DYNC1I2: variants seen among roughly 807,000 people sequenced by gnomAD.
DYNC1I2 encodes the protein cytoplasmic dynein 1 intermediate chain 2.
DYNC1I2 carries 53 observed loss-of-function variants against 88.6 expected under a neutral mutation model. The observed-to-expected ratio is 0.60, with a 90% CI of 0.48 to 0.75. The LOEUF (loss-of-function observed/expected upper bound fraction) is 0.75. Ranked by LOEUF, DYNC1I2 falls within the 30% of genes least tolerant of loss-of-function variation. DYNC1I2 has a pLI of 0.00. For missense variants in DYNC1I2, 458 were observed against 766.6 expected (o/e 0.60, Z 4.75); for synonymous variants, 198 against 254.6 (o/e 0.78, Z 2.12).
intron 16 of DYNC1I2, 46 bp downstream of exon 16, chr2:171,744,235 GATATTTATTGA>G: frequency 6.5e-7 from 1 of 1,540,276 alleles, no homozygotes; most frequent in Non-Finnish European, 8.7e-7. Context: ...TAGAAAATTG[GATATTTATTGA>G]ATAATTTGTG....
intron 5 of DYNC1I2, among the ~76,000 whole-genome samples, chr2:171,708,325 C>T (rs975546536): frequency 6.6e-6 from 1 of 151,680 alleles, no homozygotes; most frequent in Non-Finnish European, 1.5e-5. Context: ...ATCTAAAAGA[C>T]AGGGCAAGAA....
intron 15 of DYNC1I2, among the ~76,000 whole-genome samples, chr2:171,735,590 C>T (rs962668071): frequency 2.0e-5 from 3 of 152,116 alleles, no homozygotes; most frequent in Admixed American, 6.5e-5. Context: ...GATTATTTTC[C>T]GTGTATGGAA....
chr2:171,731,336 C>T (rs1418294590), intron 15 of DYNC1I2, among the ~76,000 whole-genome samples: 1 of 152,170 alleles, frequency 6.6e-6, no homozygotes, highest in African/African-American at 2.4e-5. Flanking sequence ...TCTTTGAGCG[C>T]AGGCATGACA....
intron 7 of DYNC1I2, among the ~76,000 whole-genome samples, chr2:171,716,856 A>C (rs762472188): frequency 6.6e-6 from 1 of 151,948 alleles, no homozygotes; most frequent in African/African-American, 2.4e-5. Context: ...CAGTGAGCCA[A>C]AATTGCGCCA....
intron 6 of DYNC1I2, among the ~76,000 whole-genome samples, chr2:171,714,779 G>C (rs942372443): frequency 6.6e-6 from 1 of 152,106 alleles, no homozygotes; most frequent in African/African-American, 2.4e-5. Context: ...AGAGATTAGA[G>C]ATTTAAAAGT....
intron 15 of DYNC1I2, among the ~76,000 whole-genome samples, chr2:171,733,187 G>C (rs1297686026): frequency 6.6e-6 from 1 of 152,126 alleles, no homozygotes; most frequent in African/African-American, 2.4e-5. Flanking sequence ...TCCTTCTTAT[G>C]GCTTCGTAGT....
chr2:171,739,692 A>ATCTCTC (rs139994695), intron 15 of DYNC1I2, among the ~76,000 whole-genome samples: 24 of 127,492 alleles, frequency 1.9e-4, no homozygotes, highest in African/African-American at 7.6e-4. Context: ...CGATTGACAT[A>ATCTCTC]TCTCTTTTTT....
chr2:171,747,006 C>T (rs2105794802), intron 17 of DYNC1I2, among the ~76,000 whole-genome samples: 1 of 151,722 alleles, frequency 6.6e-6, no homozygotes, highest in South Asian at 2.1e-4. Flanking sequence ...CCAGCCTGGC[C>T]AACATGGCAA....
Position 171,726,885 on chromosome 2 carries a change from A to T in DYNC1I2, c.965A>T (p.Lys322Ile). 1 of 1,611,694 alleles carries T rather than the reference A, an allele frequency of 6.2e-7. No homozygotes were observed. Among genetic ancestry groups the T allele is most frequent in the Non-Finnish European group, 8.5e-7 (1 of 1,178,726 alleles). The change falls in exon 11 of 18, where the codon AAA becomes ATA. Residue 322 changes from lysine to isoleucine, a missense_variant. Lys to Ile is a moderately radical substitution (Grantham distance 102, BLOSUM62 -3). Around this residue, in one of 5 missense-constraint regions of DYNC1I2, gnomAD observed 203 missense variants for 354.2 expected, o/e 0.57. Transcript: ENST00000397119. ...VALVWNMKYK[K>I]TTPEYVFHCQ... The stretch of plus-strand genomic sequence containing the variant: ...CTTGTATGGAATATGAAATACAAAA[A>T]AACTACCCCAGAGTATGTGTTTCAC...
chr2:171,697,700 AAAAC>A (rs1432278249), intron 3 of DYNC1I2, among the ~76,000 whole-genome samples: 1 of 151,904 alleles, frequency 6.6e-6, no homozygotes, highest in Non-Finnish European at 1.5e-5. Context: ...AAAAAAAAGA[AAAAC>A]AAAATTAGCC....
chr2:171,713,089 A>G lies in DYNC1I2; in HGVS notation c.395+263A>G, dbSNP rs531905907. Among the ~76,000 whole-genome samples the G allele has an allele frequency of 6.2e-4, 94 of 152,250 alleles. No homozygotes were observed. The South Asian group carries it at 0.016, about 26-fold the overall frequency. ...TAATACAAGTTTTGTAGGATGTATT[A>G]AAAAACTTCTCAGACTTCTTCTAAT... is the stretch of plus-strand genomic sequence containing the variant. On this transcript the variant is annotated intron_variant, in intron 6 of 17. Transcript: ENST00000397119.
chr2:171,724,968 A>G lies in DYNC1I2; in HGVS notation c.512-650A>G, dbSNP rs1688139959. Among the ~76,000 whole-genome samples, 3 of 152,226 alleles carry G rather than the reference A, an allele frequency of 2.0e-5. No homozygotes were observed. The South Asian group carries it at 6.2e-4, about 32-fold the overall frequency. ...ATTCAAATTAAGAAAACATTATTTTAAGTGCTTATTGCCACATCATGTAAC... is the reference window on the plus strand; with the variant it reads ...ATTCAAATTAAGAAAACATTATTTTGAGTGCTTATTGCCACATCATGTAAC... On this transcript the variant is annotated intron_variant, in intron 7 of 17. Coordinates refer to ENST00000397119, the MANE Select transcript of DYNC1I2 (RefSeq NM_001378.3).
At chr2:171,733,482 T>G (rs1189350507) in intron 15 of DYNC1I2, among the ~76,000 whole-genome samples, 13 of 145,006 alleles carry the variant, frequency 9.0e-5, no homozygotes, top group Middle Eastern at 3.5e-3. Context: ...TTTTTTTTTT[T>G]TTTTTTTGCT....
chr2:171,693,930 A>G (rs11675891), intron 3 of DYNC1I2, among the ~76,000 whole-genome samples: 34,573 of 151,322 alleles, frequency 0.23, 5,027 homozygotes, highest in Middle Eastern at 0.34. Context: ...TGTTTGAGTT[A>G]CCTTTTTTTT....
intron 15 of DYNC1I2, among the ~76,000 whole-genome samples, chr2:171,735,355 A>T (rs1688933222): frequency 6.6e-6 from 1 of 152,204 alleles, no homozygotes; most frequent in South Asian, 2.1e-4. Context: ...GAGCACCCTA[A>T]TCTGAAAATT....
chr2:171,735,530 G>C (rs143212804), intron 15 of DYNC1I2, among the ~76,000 whole-genome samples: 1 of 152,302 alleles, frequency 6.6e-6, no homozygotes, highest in African/African-American at 2.4e-5. Context: ...AACACTTCTG[G>C]TTCCAAGCAT....
At chr2:171,688,286 A>G (rs1685121210) in intron 1 of DYNC1I2, 1 of 152,170 alleles carries the variant, frequency 6.6e-6, no homozygotes, top group South Asian at 2.1e-4. Context: ...TCTAGCACAA[A>G]ACTCTAGAGA....
intron 5 of DYNC1I2, among the ~76,000 whole-genome samples, chr2:171,709,068 C>A (rs1472626699): frequency 6.6e-6 from 1 of 151,910 alleles, no homozygotes; most frequent in African/African-American, 2.4e-5. Flanking sequence ...TACAACATTA[C>A]CATAGTAAAA....
chr2:171,743,979 C>T (rs1355905525), intron 15 of DYNC1I2, 70 bp from the exon 16 acceptor site: 3 of 1,319,196 alleles, frequency 2.3e-6, no homozygotes, highest in Non-Finnish European at 3.0e-6. Flanking sequence ...ATTTTTTTCC[C>T]AGTGATAAGT....
Sources: allele counts gnomAD v4.1 joint callset (sites outside exome capture counted in the v4.1 genomes callset), GRCh38; gene constraint gnomAD v4.1.1; regional missense constraint gnomAD v4.1.1; transcripts MANE v1.5; gene names NCBI Gene and HGNC (gene_info 2026-07-23, HGNC 2026-07-21).